Variants in CECR2 observed in about 807,000 individuals in gnomAD.
CECR2 encodes the protein CECR2 histone acetyl-lysine reader, also known as chromatin remodeling regulator CECR2.
In CECR2, 30 loss-of-function variants were observed where a neutral mutation model predicts 154.5. The ratio of observed to expected loss-of-function variants is 0.19; its 90% CI spans 0.15 to 0.26. CECR2 has a LOEUF of 0.26. CECR2 is among the 10% of genes least tolerant of loss of function. CECR2 has a pLI of 1.00. For missense variants in CECR2, 1,743 were observed against 1,829.3 expected (o/e 0.95, Z 0.86); for synonymous variants, 725 against 683.7 (o/e 1.06, Z -0.94).
intron 1 of CECR2, among the ~76,000 whole-genome samples, chr22:17,443,654 G>A (rs752743199): frequency 1.2e-4 from 19 of 152,168 alleles, no homozygotes; most frequent in South Asian, 4.1e-4. Flanking sequence ...GCAGCACCCC[G>A]CACCTTCACA....
At chr22:17,462,471 G>C (rs2146736795) in intron 1 of CECR2, among the ~76,000 whole-genome samples, 1 of 152,326 alleles carries the variant, frequency 6.6e-6, no homozygotes, top group East Asian at 1.9e-4. Context: ...GACTTAATCT[G>C]ATGAATTGCG....
At chr22:17,506,603 C>G (rs1385349542) in intron 7 of CECR2, among the ~76,000 whole-genome samples, 1 of 152,142 alleles carries the variant, frequency 6.6e-6, no homozygotes, top group African/African-American at 2.4e-5. Flanking sequence ...CATGTCTTAT[C>G]TTTTTAACAG....
chr22:17,364,244 G>A (rs924538306), intron 1 of CECR2, among the ~76,000 whole-genome samples: 1 of 149,958 alleles, frequency 6.7e-6, no homozygotes, highest in Non-Finnish European at 1.5e-5. Context: ...TCCGGAGGCT[G>A]AGGCAGGAGA....
At chr22:17,479,883 G>C (rs1334034178) in intron 2 of CECR2, among the ~76,000 whole-genome samples, 3 of 148,676 alleles carry the variant, frequency 2.0e-5, no homozygotes. Context: ...TCCCACCTCA[G>C]CCTCCTGAGT....
chr22:17,395,027 G>A (rs979097338), intron 1 of CECR2, among the ~76,000 whole-genome samples: 1 of 152,086 alleles, frequency 6.6e-6, no homozygotes, highest in Non-Finnish European at 1.5e-5. Flanking sequence ...AAAATGCATG[G>A]ATCCTTGTAC....
intron 1 of CECR2, among the ~76,000 whole-genome samples, chr22:17,464,441 AT>A (rs111332565): frequency 0.02 from 2,098 of 106,520 alleles, 54 homozygotes; most frequent in African/African-American, 0.053. Context: ...TTCAGTTAAT[AT>A]TGGCAGCTAC....
chr22:17,487,489 G>A lies in CECR2; in HGVS notation c.221+9807G>A, dbSNP rs559852381. Among the ~76,000 whole-genome samples the A allele has an allele frequency of 2.0e-5, 3 of 152,248 alleles. No individual in the cohort carries two copies. In the South Asian group the frequency reaches 6.2e-4, roughly 32 times the overall value. ...CCGAGGCGGGTGGATCACTAGGTCA[G>A]GAGATAGAGACCATCCTGGCTAACG... On this transcript the variant is annotated intron_variant, in intron 2 of 18. Coordinates refer to ENST00000262608, the MANE Select transcript of CECR2 (RefSeq NM_001290047.2).
intron 1 of CECR2, chr22:17,418,835 C>T (rs1375894791): frequency 5.7e-6 from 1 of 176,602 alleles, no homozygotes; most frequent in Non-Finnish European, 1.2e-5. Context: ...CCGAGCTCAT[C>T]CTGCAGGGTG....
At position 17,382,374 on chromosome 22, in the gene CECR2, T is replaced by C. The variant is rs141577080; in HGVS notation, c.126+12465T>C. 3.3e-5 allele frequency among the ~76,000 whole-genome samples: 5 copies of C among 152,266 alleles called. No homozygotes were observed. In the East Asian group the frequency reaches 9.6e-4, roughly 29 times the overall value. On this transcript the variant is annotated intron_variant, in intron 1 of 18. Transcript: ENST00000262608. ...AAGTGTTTTAGGTTAAATCTGGTTT[T>C]GGTAGCTGGAATAGAACAGACTGGA...
At chr22:17,374,715 C>T (rs2063098056) in intron 1 of CECR2, among the ~76,000 whole-genome samples, 4 of 152,176 alleles carry the variant, frequency 2.6e-5, no homozygotes, top group South Asian at 2.1e-4. Flanking sequence ...GTCAAAATAA[C>T]GTGATGATAA....
intron 1 of CECR2, among the ~76,000 whole-genome samples, chr22:17,425,347 A>G (rs58787871): frequency 0.07 from 10,637 of 152,062 alleles, 992 homozygotes; most frequent in East Asian, 0.36. Context: ...GAGCCGTCAA[A>G]CTGCCTTCTG....
At position 17,552,866 on chromosome 22, in the gene CECR2, A is replaced by G. The variant is rs535842725; in HGVS notation, c.*26A>G. On this transcript the variant is annotated 3_prime_UTR_variant, in exon 19 of 19. Transcript: ENST00000262608. ...TCCAAGGAGGAAATGAGCCCCAAGC[A>G]ATGGAAAGCTGCACACGAAGACTGG... 8 of 1,546,602 alleles carry G rather than the reference A, an allele frequency of 5.2e-6. No individual in the cohort carries two copies. In the South Asian group the frequency reaches 9.6e-5, roughly 18 times the overall value.
intron 2 of CECR2, among the ~76,000 whole-genome samples, chr22:17,491,123 G>GT (rs1173358215): frequency 1.3e-5 from 2 of 152,144 alleles, no homozygotes; most frequent in African/African-American, 4.8e-5. Flanking sequence ...CAGTTCATGG[G>GT]TATGTACGCA....
Position 17,390,464 on chromosome 22 carries a change from C to T in CECR2, c.126+20555C>T, listed in dbSNP as rs569131515. On this transcript the variant is annotated intron_variant, in intron 1 of 18. Coordinates refer to ENST00000262608, the MANE Select transcript of CECR2 (RefSeq NM_001290047.2). ...GTTTTTCTCTTATAATTAACAAGTACGTTGTGGGGAGATACTTTGCAAACA... is the reference window on the plus strand; with the variant it reads ...GTTTTTCTCTTATAATTAACAAGTATGTTGTGGGGAGATACTTTGCAAACA... 1.1e-4 allele frequency among the ~76,000 whole-genome samples: 17 copies of T among 152,290 alleles called. No individual in the cohort carries two copies. The South Asian group carries it at 2.5e-3, about 22-fold the overall frequency.
intron 2 of CECR2, among the ~76,000 whole-genome samples, chr22:17,489,697 G>C (rs2055489979): frequency 6.6e-6 from 1 of 151,954 alleles, no homozygotes; most frequent in Non-Finnish European, 1.5e-5. Flanking sequence ...GCCTCAAGTT[G>C]TCCTCCAGCC....
chr22:17,382,352 T>C (rs1286128124), intron 1 of CECR2, among the ~76,000 whole-genome samples: 2 of 152,196 alleles, frequency 1.3e-5, no homozygotes, highest in South Asian at 2.1e-4. Context: ...GTATACTAAG[T>C]GTTTTAGGTT....
At chr22:17,435,662 TC>T (rs1261613736) in intron 1 of CECR2, among the ~76,000 whole-genome samples, 7 of 123,780 alleles carry the variant, frequency 5.7e-5, no homozygotes, top group African/African-American at 1.3e-4. Flanking sequence ...TAGAATAGAC[TC>T]CCTTGAGCTC....
intron 2 of CECR2, among the ~76,000 whole-genome samples, chr22:17,491,584 G>T (rs1441205271): frequency 1.0e-4 from 13 of 126,424 alleles, no homozygotes; most frequent in Admixed American, 8.1e-4. Flanking sequence ...TGTGTGTGTG[G>T]GGGGGTGGGT....
At position 17,502,188 on chromosome 22, in the gene CECR2, A is replaced by C. The variant is rs149518063; in HGVS notation, c.651-894A>C. 1.1e-3 allele frequency among the ~76,000 whole-genome samples: 164 copies of C among 152,330 alleles called. 1 individual carries two copies. In the East Asian group the frequency reaches 0.026, roughly 24 times the overall value. On this transcript the variant is annotated intron_variant, in intron 5 of 18. Coordinates refer to ENST00000262608, the MANE Select transcript of CECR2 (RefSeq NM_001290047.2). ...ACGTCCCTGTGAGGTAGGCACTATT[A>C]ATAGCTCCATTTTGGGGGAAAGTTA...
Sources: gnomAD v4.1 joint callset for allele counts (sites outside exome capture counted in the v4.1 genomes callset) on GRCh38, gnomAD v4.1.1 for gene constraint, MANE v1.5 for transcripts, NCBI Gene and HGNC (gene_info 2026-07-23, HGNC 2026-07-21) for gene names.